TTC39C: variants seen among roughly 807,000 people sequenced by gnomAD.
TTC39C encodes the protein tetratricopeptide repeat protein 39C.
Under a neutral mutation model 76.3 loss-of-function variants are expected in TTC39C, and 33 were observed. That is an observed-to-expected ratio of 0.43 (90% CI 0.33 to 0.58). The LOEUF is 0.58. Ranked by LOEUF, TTC39C falls within the 20% of genes least tolerant of loss-of-function variation. The pLI is 0.04. For synonymous variants in TTC39C, 254 were observed against 260.6 expected, an observed-to-expected ratio of 0.97 and a Z score of 0.24; for missense variants, 595 against 701.4, an observed-to-expected ratio of 0.85 and a Z score of 1.71.
intron 1 of TTC39C, among the ~76,000 whole-genome samples, chr18:24,004,883 C>G (rs1035675381): frequency 1.3e-5 from 2 of 152,188 alleles, no homozygotes; most frequent in Non-Finnish European, 2.9e-5. Context: ...TCATAAGGGG[C>G]TCTGAAATGT....
intron 5 of TTC39C, 115 bp downstream of exon 5, chr18:24,081,054 G>T: frequency 6.3e-6 from 6 of 953,924 alleles, no homozygotes; most frequent in Non-Finnish European, 9.2e-6. Flanking sequence ...TTGACAGGGT[G>T]CTGTGTCTTA....
At position 24,120,803 on chromosome 18, in the gene TTC39C, G is replaced by T. The variant is rs564645784; in HGVS notation, c.1186+2571G>T. On this transcript the variant is annotated intron_variant, in intron 8 of 13. Coordinates refer to ENST00000317571, the MANE Select transcript of TTC39C (RefSeq NM_001135993.2). ...AAGTGAAATATATTTGTCCTTTTGT[G>T]TCTGGCTTATTTCATTTAGCATAAT... Among the ~76,000 whole-genome samples, 13 of 152,216 alleles carry T rather than the reference G, an allele frequency of 8.5e-5. No homozygotes were observed. In the South Asian group the frequency reaches 2.7e-3, roughly 32 times the overall value.
At chr18:24,039,543 G>A (rs564032769) in intron 1 of TTC39C, among the ~76,000 whole-genome samples, 73 of 152,318 alleles carry the variant, frequency 4.8e-4, no homozygotes, top group African/African-American at 1.6e-3. Context: ...TGTTGCCCAC[G>A]TTGGTCTCAA....
intron 2 of TTC39C, among the ~76,000 whole-genome samples, chr18:24,064,524 T>G (rs538430137): frequency 6.6e-6 from 1 of 152,284 alleles, no homozygotes; most frequent in Non-Finnish European, 1.5e-5. Flanking sequence ...TCTGAAATTA[T>G]TGAGTAAATG....
intron 1 of TTC39C, among the ~76,000 whole-genome samples, chr18:24,023,958 A>ATATATATATATATATGCATG (rs1568408765): frequency 6.8e-5 from 1 of 14,668 alleles, no homozygotes; most frequent in African/African-American, 1.5e-4. Flanking sequence ...ATGTATATAT[A>ATATATATATATATATGCATG]TATATATATA....
intron 5 of TTC39C, among the ~76,000 whole-genome samples, chr18:24,081,255 T>G (rs1224108912): frequency 6.6e-6 from 1 of 152,206 alleles, no homozygotes; most frequent in Non-Finnish European, 1.5e-5. Context: ...ATTTTTGGAC[T>G]TAGGAGGTAC....
At position 24,064,194 on chromosome 18, in the gene TTC39C, T is replaced by C; in HGVS notation, c.216+6T>C. On this transcript the variant is annotated splice_donor_region_variant and intron_variant, in intron 2 of 13. Coordinates refer to ENST00000317571, the MANE Select transcript of TTC39C (RefSeq NM_001135993.2). ...CCAGCTTTGTCAGTTTTTTGGTAAG[T>C]TGATATCTTAAGACCTATTGGCATG... 4 of 1,613,766 alleles carry C rather than the reference T, an allele frequency of 2.5e-6. No homozygotes were observed. The highest frequency in any genetic ancestry group is 1.1e-5 in the South Asian group (1 of 91,052).
At chr18:24,117,456 C>G (rs1306635600) in intron 7 of TTC39C, among the ~76,000 whole-genome samples, 1 of 152,092 alleles carries the variant, frequency 6.6e-6, no homozygotes, top group Non-Finnish European at 1.5e-5. Flanking sequence ...AATCCCAGCA[C>G]TTTGGGAGGC....
intron 10 of TTC39C, 79 bp from the exon 11 acceptor site, chr18:24,128,807 T>A: frequency 8.7e-7 from 1 of 1,148,320 alleles, no homozygotes; most frequent in Non-Finnish European, 1.2e-6. Context: ...ACTGAAACAT[T>A]TACCTCACTC....
chr18:24,003,742 A>G (rs1026699895), intron 1 of TTC39C, among the ~76,000 whole-genome samples: 2 of 152,166 alleles, frequency 1.3e-5, no homozygotes, highest in African/African-American at 4.8e-5. Context: ...ACAAAATGAA[A>G]AATGAATGCT....
intron 1 of TTC39C, among the ~76,000 whole-genome samples, chr18:24,045,619 A>G (rs2083859243): frequency 6.6e-6 from 1 of 152,000 alleles, no homozygotes; most frequent in African/African-American, 2.4e-5. Context: ...ACTGCCTGCA[A>G]TGGAGTTGGC....
rs2085112275 is a variant in TTC39C, at chr18:24,130,478, A to C, written c.1623+61A>C. The C allele has an allele frequency of 5.1e-6, 3 of 584,648 alleles. No individual in the cohort carries two copies. In the South Asian group the frequency reaches 2.0e-4, roughly 39 times the overall value. 36.2% of individuals were successfully genotyped at this position (584,648 alleles called of 1,614,324 possible). A position where few individuals can be genotyped will look rare whatever the true frequency, so the allele number is the denominator to read the frequency against. On this transcript the variant is annotated intron_variant, in intron 12 of 13. Transcript: ENST00000317571. ...TAATGTTGTTCAACAAAAATGTGGA[A>C]GTGGGCAAGCACAAAGCACCCTTCA...
At chr18:24,113,057 G>A (rs558016289) in intron 6 of TTC39C, among the ~76,000 whole-genome samples, 44 of 152,232 alleles carry the variant, frequency 2.9e-4, no homozygotes, top group African/African-American at 1.0e-3. Context: ...TTGTTGTGAG[G>A]TTTCCTCCAA....
intron 5 of TTC39C, among the ~76,000 whole-genome samples, chr18:24,081,687 A>G (rs1449663517): frequency 6.6e-6 from 1 of 152,196 alleles, no homozygotes; most frequent in Non-Finnish European, 1.5e-5. Flanking sequence ...TACTTGTATC[A>G]GTATTGAGAA....
chr18:24,110,495 A>G (rs1444579706), intron 6 of TTC39C, among the ~76,000 whole-genome samples: 2 of 152,298 alleles, frequency 1.3e-5, no homozygotes, highest in East Asian at 1.9e-4. Flanking sequence ...GAAATTAAAT[A>G]TATATATATG....
intron 1 of TTC39C, among the ~76,000 whole-genome samples, chr18:24,051,558 C>G (rs1351037768): frequency 2.0e-5 from 3 of 152,124 alleles, no homozygotes; most frequent in African/African-American, 7.2e-5. Context: ...TGGACCTATT[C>G]CAAACATTTG....
In TTC39C at chr18:24,087,582, G is replaced by GTTTTTTTTTTTGT. The variant is rs142766325; in HGVS notation, c.984+4511_984+4512insTGTTTTTTTTTTT. On this transcript the variant is annotated intron_variant, in intron 6 of 13. Coordinates refer to ENST00000317571, the MANE Select transcript of TTC39C (RefSeq NM_001135993.2). ...TTCCTATGCAAGCATTTTGAGAACTGTTTTTTTTTTGTTTTTTTTTGAGAC... is the reference window on the plus strand; with the variant it reads ...TTCCTATGCAAGCATTTTGAGAACTGTTTTTTTTTTTGTTTTTTTTTTTGTTTTTTTTTGAGAC... Among the ~76,000 whole-genome samples the GTTTTTTTTTTTGT allele has an allele frequency of 7.8e-4, 97 of 124,184 alleles. No homozygotes were observed. The Middle Eastern group carries it at 0.017, about 22-fold the overall frequency. 81.5% of individuals were successfully genotyped at this position (124,184 alleles called of 152,430 possible).
At chr18:24,127,807 T>C (rs777062329) in intron 10 of TTC39C, among the ~76,000 whole-genome samples, 2 of 152,244 alleles carry the variant, frequency 1.3e-5, no homozygotes, top group Non-Finnish European at 2.9e-5. Flanking sequence ...TAAGCCACCA[T>C]GCCCAGCTAC....
At chr18:24,078,018 G>C (rs752851493) in intron 4 of TTC39C, among the ~76,000 whole-genome samples, 2 of 152,198 alleles carry the variant, frequency 1.3e-5, no homozygotes, top group Non-Finnish European at 2.9e-5. Context: ...GATTCACCCA[G>C]AACAGTGCTT....
Sources: allele counts gnomAD v4.1 joint callset (sites outside exome capture counted in the v4.1 genomes callset), GRCh38; gene constraint gnomAD v4.1.1; transcripts MANE v1.5; gene names NCBI Gene and HGNC (gene_info 2026-07-23, HGNC 2026-07-21).